MYRIP: variants seen among roughly 807,000 people sequenced by gnomAD.
The protein encoded by MYRIP is myosin VIIA and Rab interacting protein.
In MYRIP, 49 loss-of-function variants were observed where a neutral mutation model predicts 98.0. The ratio of observed to expected loss-of-function variants is 0.50; its 90% CI spans 0.40 to 0.63. The LOEUF (loss-of-function observed/expected upper bound fraction) is 0.63, where lower values mean the gene tolerates loss of function less well. Ranked by LOEUF, MYRIP falls within the 30% of genes least tolerant of loss-of-function variation. The pLI, the probability that MYRIP is intolerant of heterozygous loss-of-function variation, is 0.00. For synonymous variants in MYRIP, 404 were observed against 409.5 expected (o/e 0.99, Z 0.16); for missense variants, 1,004 against 1,058.2 (o/e 0.95, Z 0.71).
At chr3:40,131,557 C>T (rs911616913) in intron 3 of MYRIP, among the ~76,000 whole-genome samples, 7 of 152,176 alleles carry the variant, frequency 4.6e-5, no homozygotes, top group Non-Finnish European at 8.8e-5. Context: ...CTTCATAATA[C>T]ACTTTAGGGG....
In MYRIP at chr3:40,114,438, C is replaced by T. The variant is rs140991063; in HGVS notation, c.333-36610C>T. On this transcript the variant is annotated intron_variant, in intron 3 of 16. Coordinates refer to ENST00000302541, the MANE Select transcript of MYRIP (RefSeq NM_015460.4). ...CAATACATTTCTTGTAATGTATCTT[C>T]ATCATTAAGTGATAATGACTGTATA... Among the ~76,000 whole-genome samples the T allele has an allele frequency of 3.2e-4, 48 of 152,296 alleles. No individual in the cohort carries two copies. The East Asian group carries it at 7.5e-3, about 24-fold the overall frequency.
At chr3:39,914,321 A>G (rs976683666) in intron 2 of MYRIP, among the ~76,000 whole-genome samples, 1 of 152,178 alleles carries the variant, frequency 6.6e-6, no homozygotes, top group African/African-American at 2.4e-5. Flanking sequence ...TGCTTTCAGA[A>G]TAGCTCAAAA....
chr3:40,068,339 T>C (rs1948162240), intron 3 of MYRIP, among the ~76,000 whole-genome samples: 1 of 152,196 alleles, frequency 6.6e-6, no homozygotes, highest in Admixed American at 6.5e-5. Context: ...TTTCTGGGAG[T>C]AAAACAATGT....
At chr3:39,845,866 A>G (rs1274464130) in intron 1 of MYRIP, among the ~76,000 whole-genome samples, 2 of 151,924 alleles carry the variant, frequency 1.3e-5, no homozygotes, top group Admixed American at 1.3e-4. Flanking sequence ...AAAAAAAAAA[A>G]AAAAAATTCA....
intron 1 of MYRIP, among the ~76,000 whole-genome samples, chr3:39,849,982 C>T (rs148655592): frequency 1.4e-4 from 21 of 152,258 alleles, no homozygotes; most frequent in Non-Finnish European, 2.6e-4. Flanking sequence ...GGATGGTCAC[C>T]ACGACATGCC....
intron 2 of MYRIP, among the ~76,000 whole-genome samples, chr3:39,945,489 A>AAG (rs1553648500): frequency 1.1e-4 from 15 of 132,006 alleles, no homozygotes; most frequent in Admixed American, 1.4e-4. Flanking sequence ...AAAAAAAAAA[A>AAG]AAGAAAAAAG....
chr3:40,093,745 T>C (rs745572710), intron 3 of MYRIP, among the ~76,000 whole-genome samples: 2 of 152,220 alleles, frequency 1.3e-5, no homozygotes, highest in Non-Finnish European at 2.9e-5. Context: ...TCCCAGTGTC[T>C]GTTCTCAGAC....
intron 4 of MYRIP, among the ~76,000 whole-genome samples, chr3:40,161,770 T>A (rs1437000360): frequency 6.6e-6 from 1 of 150,820 alleles, no homozygotes. Flanking sequence ...CTGCCCTTCC[T>A]CACTCTACAC....
chr3:39,858,576 A>T (rs1214827493), intron 1 of MYRIP, among the ~76,000 whole-genome samples: 1 of 152,114 alleles, frequency 6.6e-6, no homozygotes, highest in African/African-American at 2.4e-5. Flanking sequence ...CATCCAATAG[A>T]AGCAAAATAG....
rs182435698 is a variant in MYRIP, at chr3:40,036,482, C to T, written c.111-7568C>T. Among the ~76,000 whole-genome samples, 5 of 151,928 alleles carry T rather than the reference C, an allele frequency of 3.3e-5. No homozygotes were observed. The East Asian group carries it at 7.8e-4, about 24-fold the overall frequency. On this transcript the variant is annotated intron_variant, in intron 2 of 16. Coordinates refer to ENST00000302541, the MANE Select transcript of MYRIP (RefSeq NM_015460.4). ...AAATTAACAGAAGGAAAATCAGATGCAAGAAGCAATAATGGGCAACAAAAT... is the reference window on the plus strand; with the variant it reads ...AAATTAACAGAAGGAAAATCAGATGTAAGAAGCAATAATGGGCAACAAAAT...
chr3:40,001,074 T>A (rs1269822880), intron 2 of MYRIP, among the ~76,000 whole-genome samples: 1 of 152,216 alleles, frequency 6.6e-6, no homozygotes, highest in African/African-American at 2.4e-5. Context: ...ATATTGATAG[T>A]TATATTTTTG....
chr3:39,875,728 T>C (rs1180493199), intron 1 of MYRIP, among the ~76,000 whole-genome samples: 1 of 151,304 alleles, frequency 6.6e-6, no homozygotes. Context: ...ATTTCTGTTC[T>C]TTTACATTTG....
intron 3 of MYRIP, among the ~76,000 whole-genome samples, chr3:40,098,639 T>C (rs553766515): frequency 1.1e-4 from 16 of 152,212 alleles, no homozygotes; most frequent in African/African-American, 3.1e-4. Context: ...TGCATATTCT[T>C]CCTGATCAAA....
At chr3:40,066,713 A>G (rs1451441070) in intron 3 of MYRIP, among the ~76,000 whole-genome samples, 1 of 152,216 alleles carries the variant, frequency 6.6e-6, no homozygotes, top group Non-Finnish European at 1.5e-5. Flanking sequence ...CAAGTAATTT[A>G]CAGTTAATAT....
chr3:40,154,374 T>G (rs1950177102), intron 4 of MYRIP, among the ~76,000 whole-genome samples: 1 of 152,128 alleles, frequency 6.6e-6, no homozygotes. Flanking sequence ...ACACCTACTA[T>G]GTGCCCATCT....
At chr3:39,948,185 G>C (rs144220350) in intron 2 of MYRIP, among the ~76,000 whole-genome samples, 266 of 152,258 alleles carry the variant, frequency 1.7e-3, no homozygotes, top group African/African-American at 6.1e-3. Context: ...ACCTAAAAAT[G>C]TGTCATATAG....
intron 3 of MYRIP, among the ~76,000 whole-genome samples, chr3:40,086,593 C>T (rs1948632114): frequency 1.3e-5 from 2 of 152,170 alleles, no homozygotes; most frequent in East Asian, 3.8e-4. Context: ...CACCTGCCTC[C>T]TGCCTCACAC....
intron 11 of MYRIP, among the ~76,000 whole-genome samples, chr3:40,228,499 A>T (rs1226053659): frequency 6.6e-6 from 1 of 152,046 alleles, no homozygotes; most frequent in Non-Finnish European, 1.5e-5. Context: ...CAAGACCCTA[A>T]AGTGGCAGTC....
chr3:39,908,334 G>A (rs956419819), intron 2 of MYRIP, among the ~76,000 whole-genome samples: 3 of 152,048 alleles, frequency 2.0e-5, no homozygotes, highest in South Asian at 2.1e-4. Context: ...GGAAATAAAC[G>A]CTTTTGAGAC....
Sources: allele counts gnomAD v4.1 joint callset (sites outside exome capture counted in the v4.1 genomes callset), GRCh38; gene constraint gnomAD v4.1.1; transcripts MANE v1.5; gene names NCBI Gene and HGNC (gene_info 2026-07-23, HGNC 2026-07-21).